The following FOXN3 variants were observed in gnomAD, a reference collection of about 807,000 sequenced individuals.
FOXN3 encodes forkhead box protein N3.
FOXN3 carries 7 observed loss-of-function variants against 38.4 expected under a neutral mutation model. That is an observed-to-expected ratio of 0.18 (90% CI 0.10 to 0.34). The LOEUF (loss-of-function observed/expected upper bound fraction) is 0.34. FOXN3 is among the 10% of genes least tolerant of loss of function. The probability of loss-of-function intolerance (pLI) is 1.00; values close to 1 mark genes in which losing one functional copy is unlikely to be tolerated. For missense variants in FOXN3, 456 were observed against 613.4 expected (o/e 0.74, Z 2.71); for synonymous variants, 230 against 242.2 (o/e 0.95, Z 0.47).
chr14:89,417,023 G>T lies in FOXN3; in HGVS notation c.-167C>A, dbSNP rs1430064699. 3 of 144,978 alleles carry T rather than the reference G, an allele frequency of 2.1e-5. No individual in the cohort carries two copies. The highest frequency in any genetic ancestry group is 7.4e-5 in the African/African-American group (3 of 40,434). The allele number at this position is 144,978 out of a possible 1,614,324, so 9.0% of individuals were successfully genotyped here. A position where few individuals can be genotyped will look rare whatever the true frequency, so the allele number is the denominator to read the frequency against. ...AGCCCGGGGCGGCGGGCGGCGGGGG[G>T]CGGCCGCGGGCGCGGGCGGCAGGGG... On this transcript the variant is annotated 5_prime_UTR_variant, in exon 1 of 6. Coordinates refer to ENST00000557258, the MANE Select transcript of FOXN3 (RefSeq NM_005197.4).
chr14:89,518,100 C>T (rs978491598), intron 1 of FOXN3, among the ~76,000 whole-genome samples: 2 of 152,224 alleles, frequency 1.3e-5, no homozygotes, highest in South Asian at 4.1e-4. Flanking sequence ...TAAGCAGCTA[C>T]TGCCTTCAAA....
intron 1 of FOXN3, among the ~76,000 whole-genome samples, chr14:89,538,040 G>C (rs918508162): frequency 6.6e-6 from 1 of 152,204 alleles, no homozygotes; most frequent in African/African-American, 2.4e-5. Flanking sequence ...CTAATTAAAT[G>C]AGACAACAGG....
chr14:89,196,187 T>G (rs1018927733), intron 4 of FOXN3, among the ~76,000 whole-genome samples: 1 of 152,212 alleles, frequency 6.6e-6, no homozygotes, highest in Non-Finnish European at 1.5e-5. Context: ...TTCTTTTGAA[T>G]GTACACACAC....
At chr14:89,579,125 C>T (rs1895693199) in intron 1 of FOXN3, among the ~76,000 whole-genome samples, 1 of 149,980 alleles carries the variant, frequency 6.7e-6, no homozygotes. Flanking sequence ...GCTAGGATTA[C>T]AGGCATGAGC....
At chr14:89,523,276 G>T (rs1024879766) in intron 1 of FOXN3, among the ~76,000 whole-genome samples, 1 of 152,100 alleles carries the variant, frequency 6.6e-6, no homozygotes, top group African/African-American at 2.4e-5. Context: ...TGAGATTTCA[G>T]CAACCTTCTC....
chr14:89,567,065 T>C lies in FOXN3; in HGVS notation c.-15+51963A>G, dbSNP rs148043520. The stretch of plus-strand genomic sequence containing the variant: ...AAGGCTACAAGTATATGGCTAATAA[T>C]GGTGGCACAAGGACCAGACATCCAG... On this transcript the variant is annotated intron_variant, in intron 1 of 6. Coordinates refer to the FOXN3 transcript ENST00000345097. Among the ~76,000 whole-genome samples, 8 of 152,334 alleles carry C rather than the reference T, an allele frequency of 5.3e-5. No individual in the cohort carries two copies. In the East Asian group the frequency reaches 1.5e-3, roughly 29 times the overall value.
At chr14:89,396,155 T>C (rs1891093530) in intron 2 of FOXN3, among the ~76,000 whole-genome samples, 1 of 152,214 alleles carries the variant, frequency 6.6e-6, no homozygotes, top group African/African-American at 2.4e-5. Context: ...CTCAAAGACT[T>C]AAGCACATTT....
At chr14:89,271,693 G>A (rs1886154757) in intron 4 of FOXN3, among the ~76,000 whole-genome samples, 1 of 152,152 alleles carries the variant, frequency 6.6e-6, no homozygotes, top group Non-Finnish European at 1.5e-5. Flanking sequence ...ATCATAAAGT[G>A]AACTGTGTAG....
chr14:89,475,605 TGA>T (rs1893194151), intron 1 of FOXN3, among the ~76,000 whole-genome samples: 2 of 152,168 alleles, frequency 1.3e-5, no homozygotes, highest in Non-Finnish European at 2.9e-5. Flanking sequence ...CAGTGGGCTA[TGA>T]TCGCACCACA....
At chr14:89,272,195 C>T (rs1480389934) in intron 4 of FOXN3, among the ~76,000 whole-genome samples, 2 of 152,084 alleles carry the variant, frequency 1.3e-5, no homozygotes, top group African/African-American at 2.4e-5. Flanking sequence ...GTCTCTAATC[C>T]CAGCTACTTT....
chr14:89,242,678 C>T (rs958742565), intron 4 of FOXN3, among the ~76,000 whole-genome samples: 6 of 152,014 alleles, frequency 3.9e-5, no homozygotes, highest in African/African-American at 7.3e-5. Context: ...AAAATGCCCG[C>T]GACTTAATGC....
At chr14:89,344,062 G>A (rs998632574) in intron 3 of FOXN3, among the ~76,000 whole-genome samples, 22 of 152,036 alleles carry the variant, frequency 1.4e-4, no homozygotes, top group Admixed American at 1.1e-3. Context: ...GCATCGAGCC[G>A]AGAAACTTTC....
At chr14:89,208,431 G>A (rs771614449) in intron 4 of FOXN3, among the ~76,000 whole-genome samples, 1 of 152,130 alleles carries the variant, frequency 6.6e-6, no homozygotes, top group African/African-American at 2.4e-5. Flanking sequence ...CAAAAGCAAC[G>A]ACTCAAATTA....
intron 1 of FOXN3, among the ~76,000 whole-genome samples, chr14:89,549,859 T>C (rs1308081381): frequency 1.3e-5 from 2 of 152,188 alleles, no homozygotes; most frequent in Non-Finnish European, 2.9e-5. Context: ...ATCTCCAGTC[T>C]GCCTGAGGGC....
intron 1 of FOXN3, among the ~76,000 whole-genome samples, chr14:89,573,479 A>T (rs1247881722): frequency 6.6e-6 from 1 of 152,214 alleles, no homozygotes; most frequent in East Asian, 1.9e-4. Context: ...TACAGCATAC[A>T]TACTATATTA....
At chr14:89,440,699 G>C (rs530670729) in intron 1 of FOXN3, among the ~76,000 whole-genome samples, 2 of 152,046 alleles carry the variant, frequency 1.3e-5, no homozygotes, top group Admixed American at 6.5e-5. Context: ...ATCTCCCTTC[G>C]CTGACTCTTT....
chr14:89,340,026 AAAAC>A (rs987218188), intron 3 of FOXN3, among the ~76,000 whole-genome samples: 36 of 152,306 alleles, frequency 2.4e-4, no homozygotes, highest in Middle Eastern at 6.8e-3. Flanking sequence ...CCTTACAGTT[AAAAC>A]AAACAAACAA....
chr14:89,388,188 G>A (rs1269498185), intron 2 of FOXN3, among the ~76,000 whole-genome samples: 1 of 152,160 alleles, frequency 6.6e-6, no homozygotes, highest in Non-Finnish European at 1.5e-5. Flanking sequence ...CGTCTTGGAG[G>A]GAAGATAGCC....
intron 2 of FOXN3, among the ~76,000 whole-genome samples, chr14:89,382,355 A>C (rs1890672134): frequency 6.6e-6 from 1 of 152,052 alleles, no homozygotes; most frequent in Admixed American, 6.6e-5. Flanking sequence ...CCGTGCTCCA[A>C]GCCTTCAAAT....
Sources: allele counts gnomAD v4.1 joint callset (sites outside exome capture counted in the v4.1 genomes callset), GRCh38; gene constraint gnomAD v4.1.1; transcripts MANE v1.5; gene names NCBI Gene and HGNC (gene_info 2026-07-23, HGNC 2026-07-21).